HEATR4: variants seen among roughly 807,000 people sequenced by gnomAD.
The protein encoded by HEATR4 is HEAT repeat containing 4.
Under a neutral mutation model 108.8 loss-of-function variants are expected in HEATR4, and 95 were observed. The ratio of observed to expected loss-of-function variants is 0.87; its 90% CI spans 0.74 to 1.04. The LOEUF (loss-of-function observed/expected upper bound fraction) is 1.04. Ranked by LOEUF, HEATR4 falls within the 50% of genes least tolerant of loss-of-function variation. The probability of loss-of-function intolerance (pLI) is 0.00; values close to 1 mark genes in which losing one functional copy is unlikely to be tolerated. For synonymous variants in HEATR4, 443 were observed against 459.4 expected, an observed-to-expected ratio of 0.96 and a Z score of 0.46; for missense variants, 1,152 against 1,253.8, an observed-to-expected ratio of 0.92 and a Z score of 1.23.
intron 4 of HEATR4, chr14:73,520,648 G>T: frequency 2.0e-6 from 1 of 505,300 alleles, no homozygotes; most frequent in Non-Finnish European, 3.5e-6. Flanking sequence ...GAGAAAGCGG[G>T]GAGAGAGAGC....
At position 73,522,753 on chromosome 14, in the gene HEATR4, G is replaced by T; in HGVS notation, c.400C>A (p.Leu134Met). ...SSSPLTGDTS[L>M]AVKTESSANP... Reference sequence around the variant, plus strand: ...GCAGAGCTTTCTGTCTTCACAGCCAGGGAGGTGTCTCCTGTTAAGGGACTT... The same window carrying T: ...GCAGAGCTTTCTGTCTTCACAGCCATGGAGGTGTCTCCTGTTAAGGGACTT... The change falls in exon 3 of 18, where the codon CTG becomes ATG. Residue 134 changes from leucine to methionine, a missense_variant. Physicochemically the swap from Leu to Met is conservative, Grantham distance 15. Transcript: ENST00000553558. 1 of 1,614,240 alleles carries T rather than the reference G, an allele frequency of 6.2e-7. No individual in the cohort carries two copies. The highest frequency in any genetic ancestry group is 1.7e-5 in the Admixed American group (1 of 60,014).
intron 10 of HEATR4, among the ~76,000 whole-genome samples, chr14:73,505,239 A>C (rs1886735265): frequency 6.6e-6 from 1 of 152,078 alleles, no homozygotes; most frequent in Non-Finnish European, 1.5e-5. Context: ...TTTAACCAAT[A>C]AATTTAACCC....
intron 16 of HEATR4, among the ~76,000 whole-genome samples, chr14:73,494,868 A>T (rs185748165): frequency 6.6e-6 from 1 of 152,106 alleles, no homozygotes; most frequent in African/African-American, 2.4e-5. Flanking sequence ...ACCACCAACC[A>T]CTACCACTAT....
At chr14:73,491,819 A>C (rs1210797493) in intron 17 of HEATR4, 1 of 1,604,666 alleles carries the variant, frequency 6.2e-7, no homozygotes, top group Non-Finnish European at 8.5e-7. Context: ...CGCTCGCTAC[A>C]TCAACGGACG....
the HEATR4 span, among the ~76,000 whole-genome samples, chr14:73,603,713 A>G: frequency 6.6e-6 from 1 of 150,904 alleles, no homozygotes; most frequent in South Asian, 2.1e-4. Context: ...AAAACATTTG[A>G]TCGAAGTGCT....
At chr14:73,496,822 A>C (rs1477979413) in intron 14 of HEATR4, 143 bp from the exon 15 acceptor site, 3 of 609,316 alleles carry the variant, frequency 4.9e-6, no homozygotes, top group Non-Finnish European at 8.8e-6. Flanking sequence ...TATATGCAAA[A>C]ATGGTATAAT....
chr14:73,540,656 G>A (rs1404183287), intron 1 of HEATR4, among the ~76,000 whole-genome samples: 1 of 119,354 alleles, frequency 8.4e-6, no homozygotes, highest in Non-Finnish European at 1.8e-5. Flanking sequence ...AGAGGAAAGG[G>A]CACAGGGGTC....
chr14:73,527,442 T>C (rs1470166253), intron 2 of HEATR4: 1 of 150,748 alleles, frequency 6.6e-6, no homozygotes, highest in Non-Finnish European at 1.5e-5. Flanking sequence ...TATCAGAAAT[T>C]TCAAAAAGAG....
chr14:73,556,005 C>CA lies in HEATR4; in HGVS notation c.-152+2745dup, dbSNP rs202242779. Among the ~76,000 whole-genome samples the CA allele has an allele frequency of 2.4e-3, 269 of 111,330 alleles. 55 individuals carry two copies. Among genetic ancestry groups the CA allele is most frequent in the African/African-American group, 7.3e-3 (253 of 34,738 alleles). 73.0% of individuals were successfully genotyped at this position (111,330 alleles called of 152,430 possible). On this transcript the variant is annotated intron_variant, in intron 1 of 17. Coordinates refer to ENST00000553558, the MANE Select transcript of HEATR4 (RefSeq NM_001220484.1). Reference sequence around the variant, plus strand: ...GGATAACAAGAGCAAAACTCTATCTCAAAAAAAAAGGAGTGATTTAGGGTG... The same window carrying CA: ...GGATAACAAGAGCAAAACTCTATCTCAAAAAAAAAAGGAGTGATTTAGGGTG...
rs551603248 is a variant in HEATR4 at position 73,514,477 on chromosome 14, T to C, written c.1211-243A>G. The stretch of plus-strand genomic sequence containing the variant: ...GGGGTGAGAGATTTGTGGGGGGAAA[T>C]TGAGATATCTACAAACCTTTCTATA... On this transcript the variant is annotated intron_variant, in intron 5 of 17. Transcript: ENST00000553558. Among the ~76,000 whole-genome samples the C allele has an allele frequency of 1.4e-4, 21 of 152,172 alleles. No individual in the cohort carries two copies. The South Asian group carries it at 2.3e-3, about 17-fold the overall frequency.
chr14:73,585,169 A>C, the HEATR4 span, among the ~76,000 whole-genome samples: 1 of 151,332 alleles, frequency 6.6e-6, no homozygotes, highest in Admixed American at 6.6e-5. Flanking sequence ...AGCATTCCTG[A>C]CTCCCACTGT....
At chr14:73,614,233 G>T in the HEATR4 span, among the ~76,000 whole-genome samples, 1 of 151,982 alleles carries the variant, frequency 6.6e-6, no homozygotes, top group East Asian at 1.9e-4. Context: ...TTCTAGAGTT[G>T]CAACAGCACA....
rs1566850900 is a variant in HEATR4 at position 73,542,395 on chromosome 14, TTTTC to T, written c.-151-12155_-151-12152del. On this transcript the variant is annotated intron_variant, in intron 1 of 17. Coordinates refer to ENST00000553558, the MANE Select transcript of HEATR4 (RefSeq NM_001220484.1). ...ATGCAATTTTAAATTCCAGTATGTT[TTTTC>T]TTTCTTTTTTTTTTTTTTTTTTTAA... 1.9e-5 allele frequency among the ~76,000 whole-genome samples: 2 copies of T among 106,596 alleles called. 1 individual carries two copies. Among genetic ancestry groups the T allele is most frequent in the Non-Finnish European group, 3.9e-5 (2 of 51,664 alleles). The allele number at this position is 106,596 out of a possible 152,430, so 69.9% of individuals were successfully genotyped here.
chr14:73,619,913 T>C, the HEATR4 span: 1 of 1,431,600 alleles, frequency 7.0e-7, no homozygotes, highest in Admixed American at 2.6e-5. Flanking sequence ...TCTTTCTTTC[T>C]TTTCTCTTTT....
the HEATR4 span, among the ~76,000 whole-genome samples, chr14:73,626,614 G>T: frequency 6.6e-6 from 1 of 151,946 alleles, no homozygotes; most frequent in East Asian, 1.9e-4. Context: ...GATCACTTGA[G>T]CCCAGAGGTT....
chr14:73,577,409 C>T, the HEATR4 span, among the ~76,000 whole-genome samples: 2 of 136,482 alleles, frequency 1.5e-5, no homozygotes, highest in Non-Finnish European at 3.1e-5. Flanking sequence ...GGGCATGGAG[C>T]CCCATTTAGA....
intron 9 of HEATR4, among the ~76,000 whole-genome samples, chr14:73,506,937 A>AT (rs1411265691): frequency 6.6e-6 from 1 of 150,412 alleles, no homozygotes; most frequent in Non-Finnish European, 1.5e-5. Flanking sequence ...AGTAGCTGGG[A>AT]TTACAGGCGC....
chr14:73,592,233 C>A, the HEATR4 span: 104 of 1,612,924 alleles, frequency 6.4e-5, no homozygotes, highest in African/African-American at 9.3e-5. Flanking sequence ...GCCTTTTTGG[C>A]GCTTCCTGAA....
chr14:73,595,167 G>A, the HEATR4 span: 1 of 1,614,232 alleles, frequency 6.2e-7, no homozygotes. Flanking sequence ...TCTGGGATCA[G>A]TGGGAACACA....
Sources: allele counts gnomAD v4.1 joint callset (sites outside exome capture counted in the v4.1 genomes callset), GRCh38; gene constraint gnomAD v4.1.1; transcripts MANE v1.5; gene names NCBI Gene and HGNC (gene_info 2026-07-23, HGNC 2026-07-21).